Variants in SLC41A2 observed in about 807,000 individuals in gnomAD.
The protein encoded by SLC41A2 is SLC41A1-like 1.
SLC41A2 carries 32 observed loss-of-function variants against 58.3 expected under a neutral mutation model. The ratio of observed to expected loss-of-function variants is 0.55; its 90% CI spans 0.41 to 0.74. The LOEUF (loss-of-function observed/expected upper bound fraction) is 0.74, where lower values mean the gene tolerates loss of function less well. Among genes scored for constraint, SLC41A2 ranks in the 30% least tolerant of loss-of-function variants. The pLI is 0.00. For synonymous variants in SLC41A2, 190 were observed against 235.0 expected, an observed-to-expected ratio of 0.81 and a Z score of 1.75; for missense variants, 514 against 680.6, an observed-to-expected ratio of 0.76 and a Z score of 2.72.
intron 8 of SLC41A2, among the ~76,000 whole-genome samples, chr12:104,847,833 T>C (rs557991139): frequency 1.3e-5 from 2 of 152,308 alleles, no homozygotes; most frequent in Admixed American, 1.3e-4. Flanking sequence ...TTCAATGTCG[T>C]TGTATTATAA....
intron 2 of SLC41A2, among the ~76,000 whole-genome samples, chr12:104,915,518 T>A (rs1191619087): frequency 2.0e-5 from 3 of 152,184 alleles, no homozygotes; most frequent in Non-Finnish European, 4.4e-5. Flanking sequence ...GGTATTTTAT[T>A]CTCTTTGAAG....
Position 104,899,376 on chromosome 12 carries a change from CCAGA to C in SLC41A2, c.664-4035_664-4032del, listed in dbSNP as rs527661806. Among the ~76,000 whole-genome samples, 16 of 152,248 alleles carry C rather than the reference CCAGA, an allele frequency of 1.1e-4. No homozygotes were observed. The South Asian group carries it at 3.3e-3, about 32-fold the overall frequency. On this transcript the variant is annotated intron_variant, in intron 3 of 10. Coordinates refer to ENST00000258538, the MANE Select transcript of SLC41A2 (RefSeq NM_001352171.3). ...ACATCTAGTGATTTTGGGTTAAAAA[CCAGA>C]CAGTGTAGATAACATGTTGTAGTGA...
At chr12:104,828,061 A>G (rs1380777993) in intron 10 of SLC41A2, among the ~76,000 whole-genome samples, 2 of 152,086 alleles carry the variant, frequency 1.3e-5, no homozygotes, top group African/African-American at 4.8e-5. Flanking sequence ...GCCAAGCCCC[A>G]TCCTGTGCCT....
intron 3 of SLC41A2, among the ~76,000 whole-genome samples, chr12:104,905,549 G>T (rs1015874906): frequency 6.6e-6 from 1 of 152,240 alleles, no homozygotes; most frequent in Non-Finnish European, 1.5e-5. Context: ...GGGACTGGGC[G>T]CCGTGGAGCA....
rs1029863163 is a variant in SLC41A2 at position 104,889,541 on chromosome 12, A to G, written c.736-364T>C. Among the ~76,000 whole-genome samples, 24 of 152,318 alleles carry G rather than the reference A, an allele frequency of 1.6e-4. 1 individual carries two copies. The Middle Eastern group carries it at 0.014, about 86-fold the overall frequency. On this transcript the variant is annotated intron_variant, in intron 4 of 10. Transcript: ENST00000258538. Reference sequence around the variant, plus strand: ...ACTCTAGAGGTAGTGCTGGCAAGAGATTGGATTTTATAATAGAAAGATAGG... The same window carrying G: ...ACTCTAGAGGTAGTGCTGGCAAGAGGTTGGATTTTATAATAGAAAGATAGG...
At chr12:104,895,441 T>G (rs2045232130) in intron 3 of SLC41A2, 96 bp from the exon 4 acceptor site, 1 of 817,074 alleles carries the variant, frequency 1.2e-6, no homozygotes, top group African/African-American at 1.7e-5. Flanking sequence ...CCAAAATAAT[T>G]CTTCAGTAAA....
At chr12:104,955,807 G>A (rs763696364) in intron 1 of SLC41A2, among the ~76,000 whole-genome samples, 9 of 151,216 alleles carry the variant, frequency 6.0e-5, no homozygotes, top group African/African-American at 1.5e-4. Flanking sequence ...GTGTGCGCTC[G>A]GAAATTAACC....
chr12:104,874,934 G>A (rs991717795), intron 6 of SLC41A2, among the ~76,000 whole-genome samples: 1 of 152,152 alleles, frequency 6.6e-6, no homozygotes, highest in African/African-American at 2.4e-5. Context: ...GCTTTGGGTA[G>A]TATGGATGAT....
At chr12:104,926,565 G>A (rs1461895728) in intron 2 of SLC41A2, among the ~76,000 whole-genome samples, 4 of 151,266 alleles carry the variant, frequency 2.6e-5, no homozygotes, top group Non-Finnish European at 4.4e-5. Context: ...TCCAGCCTGG[G>A]TGACAAAGCT....
intron 1 of SLC41A2, among the ~76,000 whole-genome samples, chr12:104,930,364 G>C (rs1434408836): frequency 2.0e-5 from 3 of 152,114 alleles, no homozygotes; most frequent in Admixed American, 2.0e-4. Flanking sequence ...AAAGGGCAGA[G>C]AGCCTTCCAG....
intron 4 of SLC41A2, among the ~76,000 whole-genome samples, chr12:104,890,937 C>T (rs757071516): frequency 1.3e-5 from 2 of 152,158 alleles, no homozygotes; most frequent in Non-Finnish European, 2.9e-5. Context: ...CTACCCTTCT[C>T]TCTTTCTACC....
At position 104,804,285 on chromosome 12, in the gene SLC41A2, G is replaced by A. The variant is rs1470185200; in HGVS notation, c.*867C>T. Reference sequence around the variant, plus strand: ...ACTCTATATTGCTGATATTCCAACAGCACTATGATCTTTGCTATCAGCAAT... The same window carrying A: ...ACTCTATATTGCTGATATTCCAACAACACTATGATCTTTGCTATCAGCAAT... On this transcript the variant is annotated 3_prime_UTR_variant, in exon 11 of 11. Coordinates refer to ENST00000258538, the MANE Select transcript of SLC41A2 (RefSeq NM_001352171.3). 6.6e-6 allele frequency: 1 copy of A among 151,384 alleles called. No homozygotes were observed. Among genetic ancestry groups the A allele is most frequent in the African/African-American group, 2.4e-5 (1 of 41,164 alleles). The allele number at this position is 151,384 out of a possible 1,614,324, so 9.4% of individuals were successfully genotyped here.
At chr12:104,955,507 A>G (rs1391054005) in intron 1 of SLC41A2, among the ~76,000 whole-genome samples, 1 of 152,202 alleles carries the variant, frequency 6.6e-6, no homozygotes, top group African/African-American at 2.4e-5. Context: ...TCCACTGACC[A>G]TGACACTGCT....
chr12:104,903,295 T>G (rs2045645052), intron 3 of SLC41A2, among the ~76,000 whole-genome samples: 1 of 152,198 alleles, frequency 6.6e-6, no homozygotes, highest in Admixed American at 6.5e-5. Flanking sequence ...TCACATTAAC[T>G]CCTCTGTTTA....
At position 104,805,052 on chromosome 12, in the gene SLC41A2, G is replaced by T; in HGVS notation, c.*100C>A. On this transcript the variant is annotated 3_prime_UTR_variant, in exon 11 of 11. Transcript: ENST00000258538. ...TCAGGGCCAACTGAAGATTACCCTG[G>T]CAAAAGTCAAACTACTGATTTAAGA... 1 of 1,077,996 alleles carries T rather than the reference G, an allele frequency of 9.3e-7. No individual in the cohort carries two copies. Among genetic ancestry groups the T allele is most frequent in the Non-Finnish European group, 1.3e-6 (1 of 772,164 alleles). The allele number at this position is 1,077,996 out of a possible 1,614,324, so 66.8% of individuals were successfully genotyped here.
intron 5 of SLC41A2, 147 bp downstream of exon 5, chr12:104,888,886 G>A: frequency 1.2e-6 from 1 of 822,416 alleles, no homozygotes; most frequent in Non-Finnish European, 1.8e-6. Flanking sequence ...AAATATATCT[G>A]GAATAACTAA....
intron 10 of SLC41A2, among the ~76,000 whole-genome samples, chr12:104,827,906 G>A (rs539020416): frequency 1.2e-4 from 19 of 152,252 alleles, no homozygotes; most frequent in Admixed American, 9.8e-4. Context: ...TAAATAAGAC[G>A]GAATTGGAGA....
At chr12:104,809,411 G>A (rs1047411141) in intron 10 of SLC41A2, among the ~76,000 whole-genome samples, 24 of 152,156 alleles carry the variant, frequency 1.6e-4, no homozygotes, top group Non-Finnish European at 2.5e-4. Flanking sequence ...TTGTCCAAAC[G>A]TAGGAAGACA....
chr12:104,848,443 G>C (rs886836785), intron 8 of SLC41A2, among the ~76,000 whole-genome samples: 2 of 151,846 alleles, frequency 1.3e-5, no homozygotes, highest in African/African-American at 2.4e-5. Context: ...AAAGCATAAA[G>C]AGGGAATAAA....
Sources: gnomAD v4.1 joint callset for allele counts (sites outside exome capture counted in the v4.1 genomes callset) on GRCh38, gnomAD v4.1.1 for gene constraint, MANE v1.5 for transcripts, NCBI Gene and HGNC (gene_info 2026-07-23, HGNC 2026-07-21) for gene names.